SLC24A3: variants seen among roughly 807,000 people sequenced by gnomAD.
The protein encoded by SLC24A3 is sodium/potassium/calcium exchanger 3.
SLC24A3 carries 28 observed loss-of-function variants against 75.8 expected under a neutral mutation model. The observed-to-expected ratio is 0.37, with a 90% CI of 0.27 to 0.51. The LOEUF is 0.51. SLC24A3 is among the 20% of genes least tolerant of loss of function. The pLI, the probability that SLC24A3 is intolerant of heterozygous loss-of-function variation, is 0.94. For missense variants in SLC24A3, 663 were observed against 847.8 expected, an observed-to-expected ratio of 0.78 and a Z score of 2.71; for synonymous variants, 372 against 334.1, an observed-to-expected ratio of 1.11 and a Z score of -1.24.
chr20:19,322,308 C>G (rs60457693), intron 2 of SLC24A3, among the ~76,000 whole-genome samples: 1 of 151,838 alleles, frequency 6.6e-6, no homozygotes, highest in African/African-American at 2.4e-5. Context: ...AAATATACCC[C>G]TCCCCTTTTA....
chr20:19,674,618 C>T (rs977316693), intron 9 of SLC24A3, among the ~76,000 whole-genome samples: 29 of 152,174 alleles, frequency 1.9e-4, no homozygotes, highest in Non-Finnish European at 1.5e-4. Flanking sequence ...TTATTAGAAG[C>T]GAGTCACTAA....
chr20:19,247,909 T>G (rs890588070), intron 1 of SLC24A3, among the ~76,000 whole-genome samples: 13 of 152,230 alleles, frequency 8.5e-5, no homozygotes, highest in Non-Finnish European at 1.3e-4. Flanking sequence ...TTGGGGTTAG[T>G]GCTTAATTTT....
chr20:19,656,801 G>A (rs2032272399), intron 7 of SLC24A3, among the ~76,000 whole-genome samples: 1 of 152,200 alleles, frequency 6.6e-6, no homozygotes, highest in Non-Finnish European at 1.5e-5. Context: ...TTCTGCTGGT[G>A]TTGGCTTCTT....
At chr20:19,451,976 C>A (rs1987489329) in intron 2 of SLC24A3, among the ~76,000 whole-genome samples, 1 of 152,202 alleles carries the variant, frequency 6.6e-6, no homozygotes, top group African/African-American at 2.4e-5. Context: ...CCTTGACTTG[C>A]TTCAGTCTGT....
chr20:19,398,343 A>G lies in SLC24A3; in HGVS notation c.272-117145A>G, dbSNP rs956363123. On this transcript the variant is annotated intron_variant, in intron 2 of 16. Coordinates refer to ENST00000328041, the MANE Select transcript of SLC24A3 (RefSeq NM_020689.4). ...ATTGCTCCATTTACTTCAGTGTTCA[A>G]TTTCTCTCAGCAATGTTTTGTAATT... Among the ~76,000 whole-genome samples the G allele has an allele frequency of 5.3e-5, 8 of 152,236 alleles. No homozygotes were observed. The East Asian group carries it at 7.7e-4, about 15-fold the overall frequency.
intron 1 of SLC24A3, among the ~76,000 whole-genome samples, chr20:19,217,857 C>G (rs1981605098): frequency 6.6e-6 from 1 of 152,222 alleles, no homozygotes; most frequent in African/African-American, 2.4e-5. Flanking sequence ...TTCCTCACTA[C>G]CTGGCTCGAG....
At chr20:19,491,715 T>C (rs1400554376) in intron 2 of SLC24A3, among the ~76,000 whole-genome samples, 1 of 152,052 alleles carries the variant, frequency 6.6e-6, no homozygotes, top group African/African-American at 2.4e-5. Context: ...TGCAAATCAC[T>C]AAGGACATGC....
chr20:19,419,583 TG>T (rs1242681477), intron 2 of SLC24A3, among the ~76,000 whole-genome samples: 2 of 152,136 alleles, frequency 1.3e-5, no homozygotes, highest in East Asian at 3.9e-4. Flanking sequence ...ATCTGTCATG[TG>T]GACCGTCTCT....
At chr20:19,450,106 G>A (rs1410749651) in intron 2 of SLC24A3, among the ~76,000 whole-genome samples, 1 of 152,140 alleles carries the variant, frequency 6.6e-6, no homozygotes, top group Admixed American at 6.5e-5. Context: ...GTGAGAGCAC[G>A]GTGATTCAGA....
intron 8 of SLC24A3, among the ~76,000 whole-genome samples, chr20:19,667,872 C>T (rs2032418100): frequency 6.6e-6 from 1 of 152,100 alleles, no homozygotes; most frequent in Admixed American, 6.5e-5. Flanking sequence ...GGTAGGTGCC[C>T]GAGGCTGCAG....
intron 9 of SLC24A3, among the ~76,000 whole-genome samples, chr20:19,680,047 GTGTGTGTCTGTGTGC>G (rs2032593215): frequency 1.3e-5 from 2 of 151,088 alleles, no homozygotes; most frequent in Non-Finnish European, 2.9e-5. Flanking sequence ...CTGGGCATCT[GTGTGTGTCTGTGTGC>G]TGTGTGTCTG....
At chr20:19,416,853 T>C (rs1363099736) in intron 2 of SLC24A3, among the ~76,000 whole-genome samples, 1 of 152,172 alleles carries the variant, frequency 6.6e-6, no homozygotes, top group Non-Finnish European at 1.5e-5. Context: ...GCTTCCTGTC[T>C]ATGGGGGAGA....
intron 2 of SLC24A3, among the ~76,000 whole-genome samples, chr20:19,430,508 G>A (rs1987082525): frequency 6.6e-6 from 1 of 152,166 alleles, no homozygotes; most frequent in Non-Finnish European, 1.5e-5. Flanking sequence ...CATTCTCCCA[G>A]TTTATTTATG....
chr20:19,636,370 G>A (rs923364884), intron 6 of SLC24A3, among the ~76,000 whole-genome samples: 3 of 152,154 alleles, frequency 2.0e-5, no homozygotes, highest in Non-Finnish European at 4.4e-5. Flanking sequence ...GTTGGTCCTT[G>A]CTCATCACTA....
chr20:19,659,843 G>T (rs1288411335), intron 7 of SLC24A3, among the ~76,000 whole-genome samples: 1 of 152,144 alleles, frequency 6.6e-6, no homozygotes, highest in African/African-American at 2.4e-5. Context: ...AGAGACGAGG[G>T]TTACCTTCAC....
chr20:19,674,513 A>G (rs2032502261), intron 9 of SLC24A3, among the ~76,000 whole-genome samples: 1 of 152,168 alleles, frequency 6.6e-6, no homozygotes. Flanking sequence ...GGCTTCCTCC[A>G]GAGCAAGTGG....
intron 1 of SLC24A3, among the ~76,000 whole-genome samples, chr20:19,227,373 A>G (rs930804414): frequency 6.8e-6 from 1 of 146,974 alleles, no homozygotes; most frequent in African/African-American, 2.5e-5. Flanking sequence ...ACTTTGCCGT[A>G]TTTCAAAAGT....
chr20:19,643,419 T>C (rs2032098342), intron 6 of SLC24A3, among the ~76,000 whole-genome samples: 1 of 152,240 alleles, frequency 6.6e-6, no homozygotes, highest in East Asian at 1.9e-4. Flanking sequence ...CTTCCCGATA[T>C]GAACCAGAAA....
intron 6 of SLC24A3, among the ~76,000 whole-genome samples, chr20:19,612,484 C>T (rs552630805): frequency 6.6e-5 from 10 of 152,062 alleles, no homozygotes; most frequent in Non-Finnish European, 1.3e-4. Flanking sequence ...CTGATGTGAT[C>T]GTTAAGCATT....
Sources: allele counts gnomAD v4.1 joint callset (sites outside exome capture counted in the v4.1 genomes callset), GRCh38; gene constraint gnomAD v4.1.1; transcripts MANE v1.5; gene names NCBI Gene and HGNC (gene_info 2026-07-23, HGNC 2026-07-21).